IL18BP: variants seen among roughly 807,000 people sequenced by gnomAD.
The protein encoded by IL18BP is interleukin 18 binding protein.
IL18BP carries 23 observed loss-of-function variants against 19.9 expected under a neutral mutation model. The ratio of observed to expected loss-of-function variants is 1.15; its 90% CI spans 0.83 to 1.64. The LOEUF (loss-of-function observed/expected upper bound fraction) is 1.64. Ranked by LOEUF, IL18BP falls within the 40% of genes most tolerant of loss-of-function variation. IL18BP has a pLI of 0.00. For synonymous variants in IL18BP, 107 were observed against 101.0 expected (o/e 1.06, Z -0.35); for missense variants, 239 against 240.7 (o/e 0.99, Z 0.05).
At chr11:72,003,997 C>G (rs554209111), downstream of IL18BP, 3 of 1,613,444 alleles carry the variant, frequency 1.9e-6, no homozygotes, top group African/African-American at 1.3e-5. Flanking sequence ...TTGGGGGAAG[C>G]CTTGGACAGG....
At chr11:72,000,286 A>T in intron 2 of IL18BP, 65 bp from the exon 3 acceptor site, 1 of 1,415,564 alleles carries the variant, frequency 7.1e-7, no homozygotes, top group Non-Finnish European at 9.9e-7. Context: ...GGCTGGAGTT[A>T]CATCCTTACC....
At chr11:72,000,147 G>A in intron 2 of IL18BP, 135 bp downstream of exon 2, 1 of 991,586 alleles carries the variant, frequency 1.0e-6, no homozygotes, top group Non-Finnish European at 1.5e-6. Context: ...TTAAGAACCT[G>A]GGCAGATATT....
intron 2 of IL18BP, 76 bp downstream of exon 2, chr11:72,000,088 G>A (rs573735541): frequency 8.5e-6 from 13 of 1,527,860 alleles, no homozygotes; most frequent in South Asian, 4.6e-5. Context: ...GGGCTAACCC[G>A]GAGCCTTCAC....
downstream of IL18BP, chr11:72,003,292 A>G: frequency 1.8e-6 from 1 of 552,254 alleles, no homozygotes; most frequent in South Asian, 2.5e-5. Context: ...AAAAGGAGGC[A>G]AGGTAGGGAG....
rs368696095 is a variant in IL18BP at position 72,000,366 on chromosome 11, G to A, written c.44G>A (p.Trp15Ter). The A allele has an allele frequency of 5.0e-6, 8 of 1,613,744 alleles. No homozygotes were observed. Among genetic ancestry groups the A allele is most frequent in the Non-Finnish European group, 6.8e-6 (8 of 1,179,988 alleles). The part of the protein sequence containing the change: ...HNWTPDLSPL[W>*]VLLLCAHVVT... Reference sequence around the variant, plus strand: ...CTTTCCTCAGACCTCAGCCCTTTGTGGGTCCTGCTCCTGTGTGCCCACGTC... The same window carrying A: ...CTTTCCTCAGACCTCAGCCCTTTGTAGGTCCTGCTCCTGTGTGCCCACGTC... The change falls in exon 3 of 6, where the codon TGG becomes TAG. Residue 15 changes from tryptophan (W) to a stop codon, truncating the protein, a stop_gained. Coordinates refer to ENST00000393703, the MANE Select transcript of IL18BP (RefSeq NM_001039660.2). LOFTEE classifies it high-confidence loss of function.
At chr11:72,007,079 A>G, downstream of IL18BP, 1 of 1,336,460 alleles carries the variant, frequency 7.5e-7, no homozygotes, top group South Asian at 1.3e-5. Context: ...CCACTGTAAC[A>G]TGGACTGGCT....
downstream of IL18BP, among the ~76,000 whole-genome samples, chr11:72,006,749 C>T (rs542721851): frequency 5.3e-5 from 8 of 152,264 alleles, no homozygotes; most frequent in Non-Finnish European, 8.8e-5. Context: ...CACACAGGTC[C>T]CCCCTGCTGT....
At chr11:72,005,233 C>T, downstream of IL18BP, 2 of 1,593,448 alleles carry the variant, frequency 1.3e-6, no homozygotes, top group East Asian at 2.3e-5. Flanking sequence ...CAGGCCTCAC[C>T]CTGGACTCCA....
downstream of IL18BP, chr11:72,003,365 ACCAGGGACCAGG>A (rs1184164407): frequency 4.2e-6 from 3 of 712,158 alleles, no homozygotes; most frequent in Non-Finnish European, 7.5e-6. Flanking sequence ...CCAGTGAAGG[ACCAGGGACCAGG>A]CCAGGGTGCG....
downstream of IL18BP, chr11:72,003,900 C>T (rs777715941): frequency 6.1e-5 from 99 of 1,613,480 alleles, no homozygotes; most frequent in Admixed American, 1.2e-3. Context: ...GCCCTTGGCT[C>T]GAGGGGTGGC....
At chr11:72,003,694 T>C (rs1955430620), downstream of IL18BP, 1 of 1,060,168 alleles carries the variant, frequency 9.4e-7, no homozygotes, top group South Asian at 1.4e-5. Context: ...TGAGCAGCTC[T>C]GGGTGCTCTC....
downstream of IL18BP, chr11:72,003,296 T>G: frequency 3.6e-6 from 2 of 556,636 alleles, no homozygotes; most frequent in East Asian, 3.0e-5. Context: ...GGAGGCAAGG[T>G]AGGGAGAGCG....
At chr11:72,004,881 T>C, downstream of IL18BP, 4 of 1,462,444 alleles carry the variant, frequency 2.7e-6, 1 homozygote, top group South Asian at 4.1e-5. Context: ...GACCTGGGGC[T>C]GTCCCAGAAC....
At chr11:72,004,478 C>T (rs1955535515), downstream of IL18BP, 2 of 1,200,756 alleles carry the variant, frequency 1.7e-6, no homozygotes, top group Non-Finnish European at 2.4e-6. Flanking sequence ...TGGGCCAGAT[C>T]CTTCCCTTCC....
At position 72,001,955 on chromosome 11, in the gene IL18BP, T is replaced by G; in HGVS notation, c.*94T>G. 3 of 1,546,694 alleles carry G rather than the reference T, an allele frequency of 1.9e-6. No homozygotes were observed. The highest frequency in any genetic ancestry group is 2.6e-6 in the Non-Finnish European group (3 of 1,138,150). Reference sequence around the variant, plus strand: ...GAACAGTCCCTGACTGCCTGTAGGCTGCGTGGATGCGCAACACACCCCCTC... The same window carrying G: ...GAACAGTCCCTGACTGCCTGTAGGCGGCGTGGATGCGCAACACACCCCCTC... On this transcript the variant is annotated 3_prime_UTR_variant, in exon 6 of 6. Coordinates refer to ENST00000393703, the MANE Select transcript of IL18BP (RefSeq NM_001039660.2).
rs1396617402 is a variant in IL18BP, at chr11:72,000,246, G to C, written c.29-105G>C. On this transcript the variant is annotated intron_variant, in intron 2 of 5. Transcript: ENST00000393703. ...GCTGAGGGGTCCCTCTTCCCGCTCT[G>C]ATTCCCTGGCTAGAACCCAGACATC... The C allele has an allele frequency of 4.5e-6, 5 of 1,102,032 alleles. No homozygotes were observed. In the African/African-American group the frequency reaches 6.1e-5, roughly 14 times the overall value. The allele number at this position is 1,102,032 out of a possible 1,614,324, so 68.3% of individuals were successfully genotyped here. A position where few individuals can be genotyped will look rare whatever the true frequency, so the allele number is the denominator to read the frequency against.
chr11:72,001,427 A>T lies in IL18BP; in HGVS notation c.382A>T (p.Thr128Ser). The T allele has an allele frequency of 6.2e-7, 1 of 1,614,222 alleles. No homozygotes were observed. Among genetic ancestry groups the T allele is most frequent in the Non-Finnish European group, 8.5e-7 (1 of 1,180,024 alleles). ...STSRERGSTG[T>S]QLCKALVLEQ... ...CAGCCGGGAACGTGGGAGCACAGGT[A>T]CGCAGCTGTGCAAGGCCTTGGTGCT... Residue 128 changes from threonine (T) to serine (S), a missense_variant, in exon 5 of 6, where the codon ACG (threonine) becomes TCG (serine). Physicochemically the swap from Thr to Ser is moderately conservative, Grantham distance 58. Transcript: ENST00000393703.
downstream of IL18BP, chr11:72,003,454 G>T: frequency 6.9e-7 from 1 of 1,454,972 alleles, no homozygotes; most frequent in South Asian, 1.1e-5. Flanking sequence ...GGCACTGAGA[G>T]GGACAGTAGG....
chr11:72,002,872 G>A (rs1278730387), downstream of IL18BP: 2 of 217,570 alleles, frequency 9.2e-6, no homozygotes, highest in African/African-American at 2.3e-5. Flanking sequence ...ACTCACGGGA[G>A]AAAAATAGAC....
Sources: allele counts gnomAD v4.1 joint callset (sites outside exome capture counted in the v4.1 genomes callset), GRCh38; gene constraint gnomAD v4.1.1; transcripts MANE v1.5; gene names NCBI Gene and HGNC (gene_info 2026-07-23, HGNC 2026-07-21).